The following TBXAS1 variants were observed in gnomAD, a reference collection of about 807,000 sequenced individuals.
TBXAS1 encodes thromboxane-A synthase.
In TBXAS1, 48 loss-of-function variants were observed where a neutral mutation model predicts 60.7. The ratio of observed to expected loss-of-function variants is 0.79; its 90% CI spans 0.63 to 1.01. The LOEUF is 1.01. TBXAS1 is among the 50% of genes least tolerant of loss of function. The probability of loss-of-function intolerance (pLI) is 0.00; values close to 1 mark genes in which losing one functional copy is unlikely to be tolerated. For synonymous variants in TBXAS1, 287 were observed against 269.7 expected, an observed-to-expected ratio of 1.06 and a Z score of -0.63; for missense variants, 685 against 686.3, an observed-to-expected ratio of 1.00 and a Z score of 0.02.
intron 2 of TBXAS1, among the ~76,000 whole-genome samples, chr7:139,872,760 T>C (rs1191351447): frequency 6.6e-6 from 1 of 152,186 alleles, no homozygotes; most frequent in Non-Finnish European, 1.5e-5. Context: ...CCTTGAGCAG[T>C]AAAGGTGTTC....
At chr7:139,789,133 A>C (rs574820338) in intron 4 of TBXAS1, 1 of 152,320 alleles carries the variant, frequency 6.6e-6, no homozygotes, top group East Asian at 1.9e-4. Flanking sequence ...CACCCCCACT[A>C]GATATACATA....
chr7:139,781,701 G>A (rs939378540), intron 2 of TBXAS1, among the ~76,000 whole-genome samples: 9 of 151,970 alleles, frequency 5.9e-5, no homozygotes, highest in African/African-American at 1.9e-4. Flanking sequence ...CAGACGTGGC[G>A]GTGGGCACCT....
chr7:139,806,627 C>T (rs765538442), intron 4 of TBXAS1, among the ~76,000 whole-genome samples: 1 of 152,018 alleles, frequency 6.6e-6, no homozygotes, highest in Non-Finnish European at 1.5e-5. Context: ...TGCTCTGTTC[C>T]CCTTTTTCCA....
intron 9 of TBXAS1, among the ~76,000 whole-genome samples, chr7:139,990,290 G>T (rs1033004311): frequency 2.0e-5 from 3 of 152,198 alleles, no homozygotes; most frequent in Non-Finnish European, 4.4e-5. Flanking sequence ...GCATCCAGGG[G>T]ACGTGAGGGC....
chr7:139,968,636 T>C (rs1810967220), intron 9 of TBXAS1, among the ~76,000 whole-genome samples: 1 of 152,230 alleles, frequency 6.6e-6, no homozygotes, highest in Non-Finnish European at 1.5e-5. Flanking sequence ...TGATTCTTTC[T>C]GGGCCACATG....
intron 4 of TBXAS1, among the ~76,000 whole-genome samples, chr7:139,931,119 A>G (rs1807294975): frequency 6.6e-6 from 1 of 152,166 alleles, no homozygotes; most frequent in Non-Finnish European, 1.5e-5. Context: ...ACACACACAC[A>G]TATCTTGAAC....
chr7:139,904,217 T>C (rs1444090571), intron 3 of TBXAS1, among the ~76,000 whole-genome samples: 2 of 152,040 alleles, frequency 1.3e-5, no homozygotes, highest in African/African-American at 4.8e-5. Flanking sequence ...TTTCCCTACT[T>C]CATGTTTTTG....
chr7:139,820,398 A>G (rs1798265916), intron 4 of TBXAS1, among the ~76,000 whole-genome samples: 2 of 152,176 alleles, frequency 1.3e-5, no homozygotes, highest in African/African-American at 4.8e-5. Flanking sequence ...ATCAAGAGCA[A>G]CTTGTAGTTG....
intron 4 of TBXAS1, among the ~76,000 whole-genome samples, chr7:139,934,839 G>A (rs1433016588): frequency 6.6e-6 from 1 of 152,034 alleles, no homozygotes; most frequent in Non-Finnish European, 1.5e-5. Flanking sequence ...TTGAGACGGA[G>A]TCTTGCTCTG....
chr7:139,951,799 GAAAAAGAAAC>G (rs201062846), intron 5 of TBXAS1, among the ~76,000 whole-genome samples: 104 of 5,724 alleles, frequency 0.018, 8 homozygotes, highest in Non-Finnish European at 0.033. Context: ...AAGAAAGAAA[GAAAAAGAAAC>G]AAAGAAGAAG....
chr7:139,779,255 C>T (rs370715671), intron 1 of TBXAS1, among the ~76,000 whole-genome samples: 3 of 152,172 alleles, frequency 2.0e-5, no homozygotes, highest in Non-Finnish European at 4.4e-5. Flanking sequence ...CTCCATCCTC[C>T]GTTCCCATCC....
In TBXAS1 at chr7:139,830,120, T is replaced by C. The variant is rs1003987823; in HGVS notation, c.89+641T>C. ...TGGTTTTGTTAATTCAACAGCAAAT[T>C]TTCCTAAGGCTGACTCTGGTGTCTG... On this transcript the variant is annotated intron_variant, in intron 1 of 12. Coordinates refer to ENST00000448866, the MANE Select transcript of TBXAS1 (RefSeq NM_001061.7). Among the ~76,000 whole-genome samples, 3 of 152,238 alleles carry C rather than the reference T, an allele frequency of 2.0e-5. No homozygotes were observed. In the East Asian group the frequency reaches 5.8e-4, roughly 29 times the overall value.
Position 140,013,547 on chromosome 7 carries a change from G to A in TBXAS1, c.1227-2176G>A, listed in dbSNP as rs1342338065. Among the ~76,000 whole-genome samples, 8 of 152,214 alleles carry A rather than the reference G, an allele frequency of 5.3e-5. No homozygotes were observed. Among genetic ancestry groups the A allele is most frequent in the African/African-American group, 1.9e-4 (8 of 41,450 alleles). ...CTTTCTTGAGTCACGGGTGTTGGTT[G>A]TAAGAAACTGGTGGGGTAAGGAAGC... On this transcript the variant is annotated intron_variant, in intron 10 of 12. Coordinates refer to ENST00000448866, the MANE Select transcript of TBXAS1 (RefSeq NM_001061.7). This position sits in a 1 kb window ranked among gnomAD's most constrained non-coding sequence, Gnocchi z 4.2.
At chr7:139,806,906 C>T (rs1486235739) in intron 4 of TBXAS1, among the ~76,000 whole-genome samples, 1 of 152,228 alleles carries the variant, frequency 6.6e-6, no homozygotes, top group Admixed American at 6.5e-5. Context: ...AGATGTCTCC[C>T]AAACTTCCTT....
intron 1 of TBXAS1, among the ~76,000 whole-genome samples, chr7:139,837,822 AC>A (rs1185823881): frequency 2.0e-5 from 3 of 152,120 alleles, no homozygotes; most frequent in Non-Finnish European, 4.4e-5. Context: ...AAATAAAAAA[AC>A]AAAAACAAAA....
chr7:140,002,011 G>A (rs1031745266), intron 9 of TBXAS1, among the ~76,000 whole-genome samples: 1 of 152,160 alleles, frequency 6.6e-6, no homozygotes, highest in African/African-American at 2.4e-5. Context: ...CTGATAGACT[G>A]GAAGCTCCGA....
chr7:139,825,036 G>C (rs1798403118), upstream of TBXAS1, among the ~76,000 whole-genome samples: 2 of 151,820 alleles, frequency 1.3e-5, no homozygotes, highest in Admixed American at 1.3e-4. Flanking sequence ...TGCCATGTTG[G>C]TCAGCTGGTC....
chr7:139,923,676 C>T (rs118063707), intron 4 of TBXAS1, among the ~76,000 whole-genome samples: 2,214 of 152,024 alleles, frequency 0.015, 29 homozygotes, highest in African/African-American at 0.029. Flanking sequence ...GCTGATCTTT[C>T]GGTTATTTTA....
At chr7:139,907,279 T>C (rs368733484) in intron 3 of TBXAS1, among the ~76,000 whole-genome samples, 3 of 152,234 alleles carry the variant, frequency 2.0e-5, no homozygotes, top group Non-Finnish European at 4.4e-5. Flanking sequence ...TCAACTGATA[T>C]AATCACATAA....
Sources: gnomAD v4.1 joint callset for allele counts (sites outside exome capture counted in the v4.1 genomes callset) on GRCh38, gnomAD v4.1.1 for gene constraint, Gnocchi (gnomAD v3.1) non-coding constraint, MANE v1.5 for transcripts, NCBI Gene and HGNC (gene_info 2026-07-23, HGNC 2026-07-21) for gene names.